Variants in NF1 observed in about 807,000 individuals in gnomAD.
The protein encoded by NF1 is neurofibromin.
A neutral mutation model predicts 325.7 loss-of-function variants in NF1; 122 were observed. The observed-to-expected ratio is 0.37, with a 90% CI of 0.32 to 0.44. The LOEUF is 0.44. Ranked by LOEUF, NF1 falls within the 20% of genes least tolerant of loss-of-function variation. The probability of loss-of-function intolerance (pLI) is 1.00; values close to 1 mark genes in which losing one functional copy is unlikely to be tolerated. For synonymous variants in NF1, 1,091 were observed against 1,186.0 expected, an observed-to-expected ratio of 0.92 and a Z score of 1.65; for missense variants, 2,140 against 3,415.4, an observed-to-expected ratio of 0.63 and a Z score of 9.31.
chr17:31,248,936 ATTTG>A (rs760969668), intron 29 of NF1, 44 bp from the exon 30 acceptor site: 2 of 1,593,818 alleles, frequency 1.3e-6, no homozygotes, highest in Non-Finnish European at 1.7e-6. Flanking sequence ...GATTTTTGTT[ATTTG>A]TTTTAAACAA....
chr17:31,304,451 G>C (rs773214501), intron 36 of NF1: 4 of 1,614,004 alleles, frequency 2.5e-6, no homozygotes, highest in Admixed American at 1.7e-5. Context: ...TCAGATTTAT[G>C]ATCTCCACAG....
chr17:31,259,028 G>A lies in NF1; in HGVS notation c.4333-4G>A, dbSNP rs372709098. ...ATTATTTATAACCCTGTTTTATTGT[G>A]TAGATACTTCAGAGTATTGCCAATC... On this transcript the variant is annotated splice_polypyrimidine_tract_variant and splice_region_variant and intron_variant, in intron 32 of 57. Transcript: ENST00000358273. 3.8e-6 allele frequency: 6 copies of A among 1,565,318 alleles called. No homozygotes were observed. In the African/African-American group the frequency reaches 4.0e-5, roughly 11 times the overall value.
intron 13 of NF1, among the ~76,000 whole-genome samples, chr17:31,216,834 A>G (rs1208649443): frequency 6.6e-6 from 1 of 152,070 alleles, no homozygotes; most frequent in African/African-American, 2.4e-5. Context: ...CTTTCTAACC[A>G]CATGCCTTCA....
At chr17:31,313,136 T>C (rs2068924060) in intron 36 of NF1, among the ~76,000 whole-genome samples, 1 of 152,132 alleles carries the variant, frequency 6.6e-6, no homozygotes, top group African/African-American at 2.4e-5. Context: ...TGTATAATAA[T>C]AATAGTCAAA....
intron 4 of NF1, among the ~76,000 whole-genome samples, chr17:31,164,386 G>A (rs2065812257): frequency 6.6e-6 from 1 of 152,206 alleles, no homozygotes; most frequent in Non-Finnish European, 1.5e-5. Flanking sequence ...AATTATAAGT[G>A]ACAGTAGCAA....
intron 1 of NF1, among the ~76,000 whole-genome samples, chr17:31,102,890 G>T (rs1045001104): frequency 6.7e-6 from 1 of 150,368 alleles, no homozygotes; most frequent in Non-Finnish European, 1.5e-5. Context: ...CTATTGCCCA[G>T]GTTGGAGTGC....
At chr17:31,152,435 A>G (rs902451287) in intron 1 of NF1, among the ~76,000 whole-genome samples, 1 of 149,102 alleles carries the variant, frequency 6.7e-6, no homozygotes, top group East Asian at 2.0e-4. Context: ...GACTCCTGTT[A>G]TATGTATGTT....
In NF1 at chr17:31,200,401, C is replaced by A. The variant is rs753797445; in HGVS notation, c.889-21C>A. The A allele has an allele frequency of 3.7e-6, 6 of 1,610,840 alleles. No individual in the cohort carries two copies. Among genetic ancestry groups the A allele is most frequent in the Non-Finnish European group, 5.1e-6 (6 of 1,177,380 alleles). On this transcript the variant is annotated intron_variant, in intron 8 of 57. Coordinates refer to ENST00000358273, the MANE Select transcript of NF1 (RefSeq NM_001042492.3). ...GAAGAAACTTCATATATTATCTTAT[C>A]GCTATATTTGAATTCTGTAGAAGTT...
intron 1 of NF1, among the ~76,000 whole-genome samples, chr17:31,102,247 C>T (rs1013417992): frequency 6.6e-6 from 1 of 152,112 alleles, no homozygotes; most frequent in Admixed American, 6.6e-5. Flanking sequence ...TTGTCACTTA[C>T]TGTTAGGATA....
intron 12 of NF1, among the ~76,000 whole-genome samples, chr17:31,210,435 A>G (rs1458686571): frequency 6.6e-6 from 1 of 152,078 alleles, no homozygotes; most frequent in African/African-American, 2.4e-5. Context: ...ATGCAAAAAA[A>G]TTAGGCAGGC....
intron 52 of NF1, 37 bp from the exon 53 acceptor site, chr17:31,356,923 A>G (rs1227134002): frequency 6.2e-7 from 1 of 1,612,642 alleles, no homozygotes; most frequent in East Asian, 2.2e-5. Flanking sequence ...GTGATTATCC[A>G]GGTGTTTGAT....
At chr17:31,356,403 T>C in intron 51 of NF1, 57 bp from the exon 52 acceptor site, 1 of 1,570,486 alleles carries the variant, frequency 6.4e-7, no homozygotes, top group East Asian at 2.3e-5. Context: ...TTTAGTGTAT[T>C]CCCATTTATA....
At chr17:31,354,620 A>G (rs964881824) in intron 51 of NF1, among the ~76,000 whole-genome samples, 1 of 152,234 alleles carries the variant, frequency 6.6e-6, no homozygotes, top group African/African-American at 2.4e-5. Context: ...CAAGGGAACC[A>G]TTTAATAAAA....
intron 36 of NF1, among the ~76,000 whole-genome samples, chr17:31,291,529 GA>G (rs569232852): frequency 2.5e-4 from 38 of 152,232 alleles, no homozygotes; most frequent in African/African-American, 8.9e-4. Flanking sequence ...GATTTTAATA[GA>G]AATATGTTAT....
intron 1 of NF1, among the ~76,000 whole-genome samples, chr17:31,103,436 G>T (rs1327540403): frequency 6.6e-6 from 1 of 151,986 alleles, no homozygotes; most frequent in Non-Finnish European, 1.5e-5. Context: ...GTAGAGGCAG[G>T]GTTTTACCAT....
chr17:31,252,609 A>G (rs2067514610), intron 30 of NF1: 1 of 299,146 alleles, frequency 3.3e-6, no homozygotes, highest in South Asian at 6.8e-5. Flanking sequence ...TTTATATTAC[A>G]TTTCTCAAAA....
chr17:31,104,091 A>G (rs1912633183), intron 1 of NF1, among the ~76,000 whole-genome samples: 1 of 152,092 alleles, frequency 6.6e-6, no homozygotes. Flanking sequence ...ACTGCACCCA[A>G]CCAAACATTT....
chr17:31,205,073 T>A (rs1485478626), intron 11 of NF1, among the ~76,000 whole-genome samples: 2 of 152,170 alleles, frequency 1.3e-5, no homozygotes, highest in African/African-American at 4.8e-5. Context: ...TGGAGTTCAG[T>A]ATTCAAAATG....
chr17:31,328,986 T>A (rs897783364), intron 38 of NF1, among the ~76,000 whole-genome samples: 3 of 152,124 alleles, frequency 2.0e-5, no homozygotes, highest in African/African-American at 7.2e-5. Flanking sequence ...CAAAATTGTA[T>A]AACTTAGAAT....
Sources: gnomAD v4.1 joint callset for allele counts (sites outside exome capture counted in the v4.1 genomes callset) on GRCh38, gnomAD v4.1.1 for gene constraint, MANE v1.5 for transcripts, NCBI Gene and HGNC (gene_info 2026-07-23, HGNC 2026-07-21) for gene names.